Variants in KRT77 observed in about 807,000 individuals in gnomAD.
The protein encoded by KRT77 is keratin 77.
A neutral mutation model predicts 51.5 loss-of-function variants in KRT77; 44 were observed. The ratio of observed to expected loss-of-function variants is 0.85; its 90% CI spans 0.67 to 1.10. The LOEUF is 1.10. KRT77 is among the 50% of genes least tolerant of loss of function. The pLI, the probability that KRT77 is intolerant of heterozygous loss-of-function variation, is 0.00. For synonymous variants in KRT77, 293 were observed against 302.0 expected (o/e 0.97, Z 0.31); for missense variants, 763 against 743.9 (o/e 1.03, Z -0.30).
intron 2 of KRT77, 141 bp downstream of exon 2, chr12:52,697,541 G>A: frequency 1.7e-6 from 1 of 605,004 alleles, no homozygotes; most frequent in Non-Finnish European, 3.0e-6. Context: ...ATACAAAACA[G>A]TGCCTCCTGC....
At chr12:52,699,127 C>G (rs1167217371) in intron 1 of KRT77, among the ~76,000 whole-genome samples, 2 of 152,230 alleles carry the variant, frequency 1.3e-5, no homozygotes, top group Non-Finnish European at 2.9e-5. Flanking sequence ...CCAGGCTTGT[C>G]AGCACAGCTC....
chr12:52,697,053 G>A (rs1275736230), intron 2 of KRT77, among the ~76,000 whole-genome samples: 1 of 152,214 alleles, frequency 6.6e-6, no homozygotes, highest in African/African-American at 2.4e-5. Context: ...ACTGTTTATA[G>A]TCATAATAAC....
rs574319643 is a variant in KRT77 at position 52,703,136 on chromosome 12, C to T, written c.299G>A (p.Gly100Asp). The T allele has an allele frequency of 1.4e-5, 22 of 1,611,056 alleles. No individual in the cohort carries two copies. In the South Asian group the frequency reaches 2.4e-4, roughly 18 times the overall value. The change falls in exon 1 of 9, where the codon GGC becomes GAC. Residue 100 changes from glycine to aspartate, a missense_variant. By Grantham distance (94) the Gly-to-Asp change is moderately conservative (BLOSUM62 -1). Transcript: ENST00000341809. Reference protein sequence around the residue: ...GFGGGRGFGVGSTGAGGFGGG... With the variant: ...GFGGGRGFGVDSTGAGGFGGG... The stretch of plus-strand genomic sequence containing the variant: ...TCCAAAGCCACCAGCCCCGGTGCTG[C>T]CAACCCCAAAGCCTCTGCCCCCTCC...
rs761742165 is a variant in KRT77, at chr12:52,694,671, A to C, written c.1035T>G (p.Ile345Met). 4.4e-5 allele frequency: 71 copies of C among 1,612,678 alleles called. No homozygotes were observed. Among genetic ancestry groups the C allele is most frequent in the African/African-American group, 6.7e-5 (5 of 74,932 alleles). The change falls in exon 5 of 9, where the codon ATT becomes ATG. Residue 345 changes from isoleucine (I) to methionine (M), a missense_variant. Physicochemically the swap from Ile to Met is conservative, Grantham distance 10 (BLOSUM62 1). Coordinates refer to ENST00000341809, the MANE Select transcript of KRT77 (RefSeq NM_175078.3). ...IDAVRTQYEL[I>M]AQRSKDEAEA... Reference sequence around the variant, plus strand: ...CGGCCTCGTCCTTGCTCCTCTGTGCAATCAGTTCATACTGGGTCCGCACTG... The same window carrying C: ...CGGCCTCGTCCTTGCTCCTCTGTGCCATCAGTTCATACTGGGTCCGCACTG...
At chr12:52,702,719 A>T (rs944676784) in intron 1 of KRT77, among the ~76,000 whole-genome samples, 173 bp downstream of exon 1, 1 of 152,086 alleles carries the variant, frequency 6.6e-6, no homozygotes, top group Non-Finnish European at 1.5e-5. Context: ...CCAAAAGGAA[A>T]AGATGGAATT....
At position 52,699,828 on chromosome 12, in the gene KRT77, C is replaced by A. The variant is rs553759450; in HGVS notation, c.544-1932G>T. On this transcript the variant is annotated intron_variant, in intron 1 of 8. Coordinates refer to ENST00000341809, the MANE Select transcript of KRT77 (RefSeq NM_175078.3). ...TCTCTCTCCCGGGCTGCACTGGACC[C>A]CATGAGGGCAGGCCTATGTCTACTT... Among the ~76,000 whole-genome samples the A allele has an allele frequency of 5.9e-5, 9 of 152,318 alleles. No homozygotes were observed. In the East Asian group the frequency reaches 1.7e-3, roughly 29 times the overall value.
chr12:52,697,653 C>T (rs779216057), intron 2 of KRT77, 29 bp downstream of exon 2: 14 of 1,585,872 alleles, frequency 8.8e-6, no homozygotes, highest in Non-Finnish European at 1.2e-5. Context: ...CCATGCTTCT[C>T]CCCTGTTTTG....
In KRT77 at chr12:52,691,202, G is replaced by A; in HGVS notation, c.1700C>T (p.Thr567Ile). Residue 567 changes from threonine (T) to isoleucine (I), a missense_variant, in exon 9 of 9, where the codon ACC becomes ATC. Thr to Ile is a moderately conservative substitution (Grantham distance 89). Transcript: ENST00000341809. ...RGSSRVQIIQ[T>I]STNTSHRRIL... ...CCGCCTGTGGGAGGTGTTGGTGGAG[G>A]TCTGGATGATCTGCACGCGCGAGGA... 2 of 1,614,136 alleles carry A rather than the reference G, an allele frequency of 1.2e-6. No homozygotes were observed. The highest frequency in any genetic ancestry group is 1.7e-6 in the Non-Finnish European group (2 of 1,179,998).
At chr12:52,699,700 C>T (rs1448531663) in intron 1 of KRT77, among the ~76,000 whole-genome samples, 3 of 152,246 alleles carry the variant, frequency 2.0e-5, no homozygotes, top group African/African-American at 7.2e-5. Context: ...TCCTTTAGAC[C>T]TCAGCTGAGG....
In KRT77 at chr12:52,691,156, A is replaced by G. The variant is rs200722626; in HGVS notation, c.*9T>C. Reference sequence around the variant, plus strand: ...GGGGCAGGCGTGATGTGTGGCAGAAACGAGGCCTCTACTCCAAGATCCGCC... The same window carrying G: ...GGGGCAGGCGTGATGTGTGGCAGAAGCGAGGCCTCTACTCCAAGATCCGCC... On this transcript the variant is annotated 3_prime_UTR_variant, in exon 9 of 9. Coordinates refer to ENST00000341809, the MANE Select transcript of KRT77 (RefSeq NM_175078.3). The G allele has an allele frequency of 2.8e-4, 450 of 1,614,000 alleles. 1 individual carries two copies. The highest frequency in any genetic ancestry group is 2.3e-3 in the African/African-American group (174 of 75,024).
rs572727706 is a variant in KRT77, at chr12:52,692,797, G to C, written c.1164C>G (p.Thr388=). 1 of 1,604,292 alleles carries C rather than the reference G, an allele frequency of 6.2e-7. No individual in the cohort carries two copies. The highest frequency in any genetic ancestry group is 2.2e-5 in the East Asian group (1 of 44,864). Residue 388 remains threonine (T), a synonymous_variant, in exon 6 of 9, where the codon ACC becomes ACG. Coordinates refer to ENST00000341809, the MANE Select transcript of KRT77 (RefSeq NM_175078.3). The part of the protein sequence containing the change: ...SKMEIAELNR[T]VQRLQAEISN... ...TGATCTCTGCCTGCAGCCTCTGGAC[G>C]GTGCGGTTGAGCTCTGCAATCTCCA...
At chr12:52,696,471 G>C (rs376648064) in intron 2 of KRT77, 41 bp from the exon 3 acceptor site, 31 of 1,567,936 alleles carry the variant, frequency 2.0e-5, no homozygotes, top group African/African-American at 2.7e-5. Context: ...GCTGCAGGCT[G>C]ACCTTGGCTC....
chr12:52,695,978 TAAA>T (rs1289670665), intron 3 of KRT77, 111 bp from the exon 4 acceptor site: 2 of 729,200 alleles, frequency 2.7e-6, no homozygotes, highest in Non-Finnish European at 4.9e-6. Flanking sequence ...TTTCCTTACT[TAAA>T]AAATTCATCA....
In KRT77 at chr12:52,692,487, C is replaced by G. The variant is rs144586198; in HGVS notation, c.1361G>C (p.Gly454Ala). The G allele has an allele frequency of 9.3e-6, 15 of 1,613,946 alleles. No individual in the cohort carries two copies. The African/African-American group carries it at 1.6e-4, about 17-fold the overall frequency. ...CTCCACATCCAGGGACAGCTTGACC[C>G]CCAGCATGGCCTGGTAGTCACGCAG... is the stretch of plus-strand genomic sequence containing the variant. ...RLLRDYQAML[G>A]VKLSLDVEIA... The change falls in exon 7 of 9, where the codon GGG becomes GCG. Residue 454 changes from glycine (G) to alanine (A), a missense_variant. Gly to Ala is a moderately conservative substitution (Grantham distance 60). Coordinates refer to ENST00000341809, the MANE Select transcript of KRT77 (RefSeq NM_175078.3).
At chr12:52,696,245 C>A in intron 3 of KRT77, 125 bp downstream of exon 3, 2 of 829,852 alleles carry the variant, frequency 2.4e-6, no homozygotes, top group Non-Finnish European at 4.1e-6. Flanking sequence ...CGCATTCAGG[C>A]ATCATACACA....
chr12:52,699,955 C>T (rs202206070), intron 1 of KRT77, among the ~76,000 whole-genome samples: 1 of 152,226 alleles, frequency 6.6e-6, no homozygotes, highest in East Asian at 1.9e-4. Context: ...TTTAGAACTG[C>T]CTGCTGGTGT....
intron 5 of KRT77, 89 bp from the exon 6 acceptor site, chr12:52,692,969 G>T: frequency 6.9e-7 from 1 of 1,450,526 alleles, no homozygotes. Context: ...TCTCCCCTGG[G>T]AGATTCCCAC....
intron 2 of KRT77, 80 bp downstream of exon 2, chr12:52,697,602 A>T: frequency 2.2e-6 from 1 of 448,216 alleles, no homozygotes; most frequent in Non-Finnish European, 4.2e-6. Flanking sequence ...TTACACACAA[A>T]CACTGAAGCC....
In KRT77 at chr12:52,691,129, G is replaced by A. The variant is rs375503555; in HGVS notation, c.*36C>T. The A allele has an allele frequency of 1.5e-5, 24 of 1,613,524 alleles. No homozygotes were observed. The highest frequency in any genetic ancestry group is 1.9e-5 in the Non-Finnish European group (23 of 1,179,766). On this transcript the variant is annotated 3_prime_UTR_variant, in exon 9 of 9. Coordinates refer to ENST00000341809, the MANE Select transcript of KRT77 (RefSeq NM_175078.3). Reference sequence around the variant, plus strand: ...GGGAGGAGTTTGAGGAGAGGGCGGTGAGGGGCAGGCGTGATGTGTGGCAGA... The same window carrying A: ...GGGAGGAGTTTGAGGAGAGGGCGGTAAGGGGCAGGCGTGATGTGTGGCAGA...
Sources: gnomAD v4.1 joint callset for allele counts (sites outside exome capture counted in the v4.1 genomes callset) on GRCh38, gnomAD v4.1.1 for gene constraint, MANE v1.5 for transcripts, NCBI Gene and HGNC (gene_info 2026-07-23, HGNC 2026-07-21) for gene names.